COLEC10: variants seen among roughly 807,000 people sequenced by gnomAD.
COLEC10 encodes the protein collectin subfamily member 10.
Under a neutral mutation model 28.4 loss-of-function variants are expected in COLEC10, and 22 were observed. The ratio of observed to expected loss-of-function variants is 0.78; its 90% CI spans 0.55 to 1.11. The LOEUF (loss-of-function observed/expected upper bound fraction) is 1.11. Among genes scored for constraint, COLEC10 ranks in the 50% least tolerant of loss-of-function variants. COLEC10 has a pLI of 0.00. For synonymous variants in COLEC10, 125 were observed against 116.1 expected, an observed-to-expected ratio of 1.08 and a Z score of -0.49; for missense variants, 361 against 344.1, an observed-to-expected ratio of 1.05 and a Z score of -0.39.
At position 119,067,298 on chromosome 8, in the gene COLEC10, C is replaced by T. The variant is rs757060971; in HGVS notation, c.17C>T (p.Ser6Phe). 1 of 1,613,780 alleles carries T rather than the reference C, an allele frequency of 6.2e-7. No individual in the cohort carries two copies. Among genetic ancestry groups the T allele is most frequent in the East Asian group, 2.2e-5 (1 of 44,878 alleles). The change falls in exon 1 of 6, where the codon TCC becomes TTC. Residue 6 changes from serine (S) to phenylalanine (F), a missense_variant. By Grantham distance (155) the Ser-to-Phe change is radical (BLOSUM62 -2). This residue lies in a region of COLEC10 where 335 missense variants were observed against 308.5 expected (regional missense o/e 1.09). Transcript: ENST00000332843. MNGFASLLRRNQFILL... is the reference protein window; with the variant it reads MNGFAFLLRRNQFILL... ...ACCACAGCAATGAATGGCTTTGCATCCTTGCTTCGAAGAAACCAATTTATC... is the reference window on the plus strand; with the variant it reads ...ACCACAGCAATGAATGGCTTTGCATTCTTGCTTCGAAGAAACCAATTTATC...
chr8:119,053,674 TA>T (rs988973184), intron 2 of COLEC10, among the ~76,000 whole-genome samples: 3 of 102,374 alleles, frequency 2.9e-5, no homozygotes, highest in Admixed American at 1.8e-4. Flanking sequence ...TGTAGGCAAT[TA>T]AAAAAAAAGG....
At position 119,108,111 on chromosome 8, in the gene COLEC10, T is replaced by A. The variant is rs1465212860; in HGVS notation, c.*1920T>A. On this transcript the variant is annotated 3_prime_UTR_variant, in exon 6 of 6. Coordinates refer to ENST00000332843, the MANE Select transcript of COLEC10 (RefSeq NM_006438.5). ...GAATTTGTTATATGTTTGACATTTA[T>A]CAGGTTACTAGTTAAACTCTTTTGA... is the stretch of plus-strand genomic sequence containing the variant. Among the ~76,000 whole-genome samples the A allele has an allele frequency of 6.6e-6, 1 of 152,172 alleles. No individual in the cohort carries two copies. The highest frequency in any genetic ancestry group is 1.5e-5 in the Non-Finnish European group (1 of 68,034).
chr8:118,954,973 A>T, the COLEC10 span, among the ~76,000 whole-genome samples: 1 of 152,250 alleles, frequency 6.6e-6, no homozygotes, highest in Non-Finnish European at 1.5e-5. Flanking sequence ...TTAACTGAAA[A>T]GTGTCTAAAA....
chr8:119,029,280 G>A (rs777751976), intron 2 of COLEC10, among the ~76,000 whole-genome samples: 17 of 152,254 alleles, frequency 1.1e-4, no homozygotes, highest in Admixed American at 6.5e-4. Flanking sequence ...TGACTTCTTC[G>A]TGGATATTAG....
chr8:119,007,194 G>A (rs1813819869), intron 1 of COLEC10, among the ~76,000 whole-genome samples: 1 of 152,132 alleles, frequency 6.6e-6, no homozygotes, highest in South Asian at 2.1e-4. Context: ...GAGATATCAG[G>A]CTTTATTTCT....
At chr8:119,049,012 C>T (rs1287135843) in intron 2 of COLEC10, among the ~76,000 whole-genome samples, 1 of 152,142 alleles carries the variant, frequency 6.6e-6, no homozygotes, top group Non-Finnish European at 1.5e-5. Context: ...TTAAGGACCT[C>T]TTATAAGGCT....
At chr8:119,046,620 A>T (rs538677705) in intron 2 of COLEC10, among the ~76,000 whole-genome samples, 1 of 152,352 alleles carries the variant, frequency 6.6e-6, no homozygotes, top group African/African-American at 2.4e-5. Flanking sequence ...TAAAGAAACT[A>T]TAGAAAGTTC....
chr8:118,977,120 G>A, the COLEC10 span, among the ~76,000 whole-genome samples: 1 of 149,390 alleles, frequency 6.7e-6, no homozygotes, highest in African/African-American at 2.4e-5. Flanking sequence ...GAGAGGATGT[G>A]GAGAAATAGG....
At chr8:118,971,265 T>C in the COLEC10 span, among the ~76,000 whole-genome samples, 2 of 152,110 alleles carry the variant, frequency 1.3e-5, no homozygotes, top group East Asian at 3.9e-4. Flanking sequence ...CTAGTTGGCA[T>C]AGACTACACT....
intron 2 of COLEC10, among the ~76,000 whole-genome samples, chr8:119,061,549 C>T (rs1009083366): frequency 6.6e-6 from 1 of 151,622 alleles, no homozygotes; most frequent in African/African-American, 2.4e-5. Flanking sequence ...ACACTAAAAG[C>T]TAAAAGAAAA....
intron 1 of COLEC10, among the ~76,000 whole-genome samples, chr8:119,077,329 C>G (rs1254566414): frequency 6.8e-6 from 1 of 148,116 alleles, no homozygotes; most frequent in Non-Finnish European, 1.5e-5. Context: ...CCTAGCCACA[C>G]CAATGTTAAA....
chr8:118,964,241 ATG>A, the COLEC10 span, among the ~76,000 whole-genome samples: 12 of 152,284 alleles, frequency 7.9e-5, no homozygotes, highest in Non-Finnish European at 1.3e-4. Flanking sequence ...TCTTGCCACA[ATG>A]TCTGACACTT....
At chr8:118,992,325 T>C (rs1157967334), upstream of COLEC10, among the ~76,000 whole-genome samples, 2 of 152,118 alleles carry the variant, frequency 1.3e-5, no homozygotes, top group Admixed American at 6.6e-5. Flanking sequence ...ATGGAAAAGC[T>C]TTAGGGGTCA....
Position 119,105,964 on chromosome 8 carries a change from G to C in COLEC10, c.607G>C (p.Gly203Arg). The change falls in exon 6 of 6, where the codon GGC becomes CGC. Residue 203 changes from glycine (G) to arginine (R), a missense_variant. Transcript: ENST00000332843. ...CATCGCTGACTATGTTGCCAAGAGTGGCTTCTTTCGGGTGTTCATTGGCGT... is the reference window on the plus strand; with the variant it reads ...CATCGCTGACTATGTTGCCAAGAGTCGCTTCTTTCGGGTGTTCATTGGCGT... ...TLIADYVAKS[G>R]FFRVFIGVND... is the part of the protein sequence containing the mutation. 6.2e-7 allele frequency: 1 copy of C among 1,613,826 alleles called. No individual in the cohort carries two copies. The highest frequency in any genetic ancestry group is 1.3e-5 in the African/African-American group (1 of 75,000).
At chr8:119,074,404 ACACCTACTATGCACC>A (rs1341233297) in intron 1 of COLEC10, among the ~76,000 whole-genome samples, 3 of 152,164 alleles carry the variant, frequency 2.0e-5, no homozygotes, top group African/African-American at 7.2e-5. Flanking sequence ...ATAAATGTAT[ACACCTACTATGCACC>A]CACAAAAATT....
intron 1 of COLEC10, among the ~76,000 whole-genome samples, chr8:119,081,883 G>T (rs2130258149): frequency 6.6e-6 from 1 of 152,198 alleles, no homozygotes; most frequent in Admixed American, 6.5e-5. Flanking sequence ...CAAGATAGTT[G>T]GGAAAAGTGA....
chr8:119,005,820 A>G (rs1813784048), intron 1 of COLEC10, among the ~76,000 whole-genome samples: 1 of 152,044 alleles, frequency 6.6e-6, no homozygotes, highest in Admixed American at 6.6e-5. Context: ...CATGGGGTGG[A>G]TTGTGATGAG....
chr8:118,961,294 T>G, the COLEC10 span, among the ~76,000 whole-genome samples: 2 of 152,216 alleles, frequency 1.3e-5, no homozygotes, highest in African/African-American at 4.8e-5. Context: ...ATCCCATGGT[T>G]CATCATATTT....
At chr8:119,087,624 C>G (rs1815506124) in intron 1 of COLEC10, among the ~76,000 whole-genome samples, 1 of 151,830 alleles carries the variant, frequency 6.6e-6, no homozygotes, top group Admixed American at 6.6e-5. Context: ...TTCTTTTCTC[C>G]CACTATCTTT....
Sources: allele counts gnomAD v4.1 joint callset (sites outside exome capture counted in the v4.1 genomes callset), GRCh38; gene constraint gnomAD v4.1.1; regional missense constraint gnomAD v4.1.1; transcripts MANE v1.5; gene names NCBI Gene and HGNC (gene_info 2026-07-23, HGNC 2026-07-21).